PSD2: variants seen among roughly 807,000 people sequenced by gnomAD.
PSD2 encodes the protein pleckstrin and Sec7 domain containing 2, also known as PH and SEC7 domain-containing protein 2.
Under a neutral mutation model 69.8 loss-of-function variants are expected in PSD2, and 38 were observed. That is an observed-to-expected ratio of 0.54 (90% CI 0.42 to 0.71). The LOEUF (loss-of-function observed/expected upper bound fraction) is 0.71, where lower values mean the gene tolerates loss of function less well. Among genes scored for constraint, PSD2 ranks in the 30% least tolerant of loss-of-function variants. The pLI is 0.00. For missense variants in PSD2, 943 were observed against 1,014.5 expected (o/e 0.93, Z 0.96); for synonymous variants, 412 against 423.0 (o/e 0.97, Z 0.32).
At position 139,795,823 on chromosome 5, in the gene PSD2, C is replaced by G. The variant is rs1358169371; in HGVS notation, c.-203C>G. The stretch of plus-strand genomic sequence containing the variant: ...CCTCCCTCCTGCCGTCCGTCCCCCT[C>G]GCTCAGCCTCTCCACATCGCGGCTC... On this transcript the variant is annotated 5_prime_UTR_variant, in exon 1 of 15. Transcript: ENST00000274710. The surrounding 1 kb of genome is among the most constrained non-coding windows in gnomAD (Gnocchi z 4.5). 6.6e-6 allele frequency: 1 copy of G among 151,682 alleles called. No homozygotes were observed. The highest frequency in any genetic ancestry group is 2.4e-5 in the African/African-American group (1 of 41,360). 9.4% of individuals were successfully genotyped at this position (151,682 alleles called of 1,614,324 possible). A position where few individuals can be genotyped will look rare whatever the true frequency, so the allele number is the denominator to read the frequency against.
intron 6 of PSD2, 71 bp from the exon 7 acceptor site, chr5:139,822,655 G>GT: frequency 7.2e-7 from 1 of 1,386,598 alleles, no homozygotes. Flanking sequence ...CTCCTGACGG[G>GT]TTCCGTCAGG....
intron 7 of PSD2, among the ~76,000 whole-genome samples, chr5:139,832,992 A>G (rs1340562501): frequency 6.6e-6 from 1 of 152,096 alleles, no homozygotes; most frequent in African/African-American, 2.4e-5. Context: ...GTCCCAGCTC[A>G]GCTCAGCTTA....
rs558944543 is a variant in PSD2 at position 139,842,283 on chromosome 5, G to A, written c.2125G>A (p.Glu709Lys). 1.9e-6 allele frequency: 3 copies of A among 1,614,114 alleles called. No individual in the cohort carries two copies. Among genetic ancestry groups the A allele is most frequent in the Non-Finnish European group, 2.5e-6 (3 of 1,179,974 alleles). Reference protein sequence around the residue: ...HYLTFEKSRYETYIHLLAMKI... With the variant: ...HYLTFEKSRYKTYIHLLAMKI... ...GGCCTTTCCCCAGAAAAGCCGTTAT[G>A]AGACCTATATCCACCTCCTGGCTAT... The change falls in exon 15 of 15, where the codon GAG becomes AAG. Residue 709 changes from glutamate to lysine, a missense_variant. By Grantham distance (56) the Glu-to-Lys change is moderately conservative. Transcript: ENST00000274710.
chr5:139,834,731 A>G (rs1760675059), intron 8 of PSD2, among the ~76,000 whole-genome samples: 2 of 151,982 alleles, frequency 1.3e-5, no homozygotes, highest in South Asian at 4.2e-4. Flanking sequence ...TTCTTACTAT[A>G]TTATATTCTT....
chr5:139,762,946 A>T, the PSD2 span, among the ~76,000 whole-genome samples: 1 of 152,150 alleles, frequency 6.6e-6, no homozygotes. Flanking sequence ...CCTTCCAGGT[A>T]ACAGGACCCA....
intron 8 of PSD2, 72 bp from the exon 9 acceptor site, chr5:139,835,651 G>A: frequency 1.4e-6 from 2 of 1,462,552 alleles, no homozygotes; most frequent in South Asian, 1.1e-5. Context: ...CTGTACCCAT[G>A]TTATTGGTGG....
At chr5:139,793,321 C>T (rs748591510), upstream of PSD2, among the ~76,000 whole-genome samples, 2 of 152,212 alleles carry the variant, frequency 1.3e-5, no homozygotes, top group Non-Finnish European at 2.9e-5. Context: ...GTCCATGGCA[C>T]CCAGAACACT....
chr5:139,788,179 G>C, the PSD2 span, among the ~76,000 whole-genome samples: 755 of 123,068 alleles, frequency 6.1e-3, no homozygotes, highest in South Asian at 8.7e-3. Flanking sequence ...CCCCCCCCGC[G>C]CCCCCCCCCG....
At chr5:139,833,459 G>T (rs577528885) in intron 7 of PSD2, among the ~76,000 whole-genome samples, 1 of 152,284 alleles carries the variant, frequency 6.6e-6, no homozygotes, top group Admixed American at 6.5e-5. Flanking sequence ...TCTTCATCCA[G>T]CCCAACTCCT....
chr5:139,830,973 A>C (rs192348328), intron 7 of PSD2, among the ~76,000 whole-genome samples: 1 of 152,072 alleles, frequency 6.6e-6, no homozygotes, highest in Admixed American at 6.6e-5. Flanking sequence ...TTTTTGGCAT[A>C]GAATTCTTGC....
the PSD2 span, chr5:139,746,073 C>T: frequency 6.6e-6 from 1 of 152,210 alleles, no homozygotes; most frequent in Non-Finnish European, 1.5e-5. This position sits in a 1 kb window ranked among gnomAD's most constrained non-coding sequence, Gnocchi z 4.5. Flanking sequence ...CTCCTGGATC[C>T]AGGCCAAGCT....
At chr5:139,840,274 C>T in intron 14 of PSD2, 104 bp downstream of exon 14, 1 of 1,298,542 alleles carries the variant, frequency 7.7e-7, no homozygotes, top group Non-Finnish European at 1.1e-6. Context: ...GATAAAGGGG[C>T]TCATTGATGT....
intron 7 of PSD2, among the ~76,000 whole-genome samples, chr5:139,824,370 C>T (rs1257233174): frequency 6.6e-6 from 1 of 151,242 alleles, no homozygotes; most frequent in Non-Finnish European, 1.5e-5. Flanking sequence ...AGCAGACAGA[C>T]ACTGAGGCTT....
chr5:139,837,520 A>G lies in PSD2; in HGVS notation c.1666-105A>G, dbSNP rs1760763726. On this transcript the variant is annotated intron_variant, in intron 11 of 14. Transcript: ENST00000274710. This position sits in a 1 kb window ranked among gnomAD's most constrained non-coding sequence, Gnocchi z 5.0. ...TGTTGGGGTGGGTGAGGCAGCAGGA[A>G]CAGAAAATTAAGGGAGCCGTAGGGT... 8.0e-7 allele frequency: 1 copy of G among 1,244,218 alleles called. No homozygotes were observed. The highest frequency in any genetic ancestry group is 1.5e-5 in the African/African-American group (1 of 66,410). The allele number at this position is 1,244,218 out of a possible 1,614,324, so 77.1% of individuals were successfully genotyped here.
At chr5:139,769,052 G>C in the PSD2 span, among the ~76,000 whole-genome samples, 2 of 152,130 alleles carry the variant, frequency 1.3e-5, no homozygotes, top group Non-Finnish European at 2.9e-5. Context: ...GGGAAGATGA[G>C]TCACCAGGCA....
chr5:139,815,741 C>T (rs1303801810), intron 4 of PSD2, among the ~76,000 whole-genome samples: 1 of 152,088 alleles, frequency 6.6e-6, no homozygotes, highest in Non-Finnish European at 1.5e-5. Flanking sequence ...TGCCTGTAAT[C>T]CCAGCACTTT....
rs768534054 is a variant in PSD2, at chr5:139,836,979, C to T, written c.1572C>T (p.His524=). 8.7e-6 allele frequency: 14 copies of T among 1,613,212 alleles called. No individual in the cohort carries two copies. Among genetic ancestry groups the T allele is most frequent in the Admixed American group, 5.0e-5 (3 of 60,008 alleles). Residue 524 remains histidine (H), a synonymous_variant, in exon 10 of 15, where the codon CAC becomes CAT. Coordinates refer to ENST00000274710, the MANE Select transcript of PSD2 (RefSeq NM_032289.4). Reference sequence around the variant, plus strand: ...ACGGCGTCCTGACCCGGAAGACTCACGCTGACATGGATGGCAAGAGGAGTG... The same window carrying T: ...ACGGCGTCCTGACCCGGAAGACTCATGCTGACATGGATGGCAAGAGGAGTG... The part of the protein sequence containing the change: ...YKHGVLTRKT[H]ADMDGKRTPR...
chr5:139,814,462 TG>T lies in PSD2; in HGVS notation c.1016+105del, dbSNP rs948589084. The stretch of plus-strand genomic sequence containing the variant: ...GACCTTCTTCAGGGGTGCCAGGTGC[TG>T]GGGGGGCACTCCCAACAGTTCCCCA... On this transcript the variant is annotated intron_variant, in intron 4 of 14. Coordinates refer to ENST00000274710, the MANE Select transcript of PSD2 (RefSeq NM_032289.4). This position sits in a 1 kb window ranked among gnomAD's most constrained non-coding sequence, Gnocchi z 4.4. The T allele has an allele frequency of 1.2e-4, 139 of 1,127,658 alleles. No homozygotes were observed. The highest frequency in any genetic ancestry group is 4.1e-4 in the East Asian group (14 of 34,524). The allele number at this position is 1,127,658 out of a possible 1,614,324, so 69.9% of individuals were successfully genotyped here.
rs893261822 is a variant in PSD2 at position 139,843,594 on chromosome 5, G to C, written c.*1120G>C. On this transcript the variant is annotated 3_prime_UTR_variant, in exon 15 of 15. Transcript: ENST00000274710. ...ACAAGCCCAAAGATGCTTGTCGGAGGACGGTTATGGAAGCCCTTAATTCTT... is the reference window on the plus strand; with the variant it reads ...ACAAGCCCAAAGATGCTTGTCGGAGCACGGTTATGGAAGCCCTTAATTCTT... 1 of 152,280 alleles carries C rather than the reference G, an allele frequency of 6.6e-6. No individual in the cohort carries two copies. The highest frequency in any genetic ancestry group is 1.5e-5 in the Non-Finnish European group (1 of 68,056). The allele number at this position is 152,280 out of a possible 1,614,324, so 9.4% of individuals were successfully genotyped here.
Sources: gnomAD v4.1 joint callset for allele counts (sites outside exome capture counted in the v4.1 genomes callset) on GRCh38, gnomAD v4.1.1 for gene constraint, Gnocchi (gnomAD v3.1) non-coding constraint, MANE v1.5 for transcripts, NCBI Gene and HGNC (gene_info 2026-07-23, HGNC 2026-07-21) for gene names.